The following CCM2L variants were observed in gnomAD, a reference collection of about 807,000 sequenced individuals.
CCM2L encodes CCM2 like scaffold protein.
Under a neutral mutation model 54.1 loss-of-function variants are expected in CCM2L, and 36 were observed. The ratio of observed to expected loss-of-function variants is 0.67; its 90% CI spans 0.51 to 0.88. CCM2L has a LOEUF of 0.88. Among genes scored for constraint, CCM2L ranks in the 40% least tolerant of loss-of-function variants. The pLI, the probability that CCM2L is intolerant of heterozygous loss-of-function variation, is 0.00. For missense variants in CCM2L, 700 were observed against 812.1 expected (o/e 0.86, Z 1.68); for synonymous variants, 351 against 359.3 (o/e 0.98, Z 0.26).
In CCM2L at chr20:32,019,351, C is replaced by A; in HGVS notation, c.875C>A (p.Pro292Gln). Reference sequence around the variant, plus strand: ...CACCCCGGCCCCAACCCGCTCGACCCGCAGGACCCCAGCCCCGACGCCTAC... The same window carrying A: ...CACCCCGGCCCCAACCCGCTCGACCAGCAGGACCCCAGCCCCGACGCCTAC... Reference protein sequence around the residue: ...RRHPGPNPLDPQDPSPDAYCN... With the variant: ...RRHPGPNPLDQQDPSPDAYCN... Residue 292 changes from proline to glutamine, a missense_variant, in exon 5 of 10, where the codon CCG (proline) becomes CAG (glutamine). Pro to Gln is a moderately conservative substitution (Grantham distance 76). Transcript: ENST00000452892. 6 of 1,490,072 alleles carry A rather than the reference C, an allele frequency of 4.0e-6. No homozygotes were observed. Among genetic ancestry groups the A allele is most frequent in the Admixed American group, 2.2e-5 (1 of 45,568 alleles). The allele number at this position is 1,490,072 out of a possible 1,614,324, so 92.3% of individuals were successfully genotyped here.
At chr20:32,012,589 C>T (rs1010452320) in intron 1 of CCM2L, among the ~76,000 whole-genome samples, 8 of 152,096 alleles carry the variant, frequency 5.3e-5, no homozygotes, top group African/African-American at 1.9e-4. Flanking sequence ...GGTGCACAGA[C>T]CAGTAGTATC....
At chr20:32,018,914 G>T (rs940797178) in intron 4 of CCM2L, 29 bp from the exon 5 acceptor site, 16 of 1,279,704 alleles carry the variant, frequency 1.3e-5, no homozygotes, top group Non-Finnish European at 1.6e-5. Flanking sequence ...CCCGATCCCC[G>T]CGGCTGACGG....
intron 5 of CCM2L, among the ~76,000 whole-genome samples, chr20:32,020,947 T>C (rs1396750600): frequency 2.0e-5 from 3 of 151,952 alleles, no homozygotes; most frequent in African/African-American, 7.3e-5. Flanking sequence ...GCCTGAGCAA[T>C]AGAGCAAGAC....
chr20:32,029,118 G>C lies in CCM2L; in HGVS notation c.1257G>C (p.Met419Ile). The change falls in exon 8 of 10, where the codon ATG (methionine) becomes ATC (isoleucine). Residue 419 changes from methionine (M) to isoleucine (I), a missense_variant. Transcript: ENST00000452892. ...GCTTGGAGCAGTTACAGGATTACAT[G>C]GTCACGGTGAGCTGGGGCCGGTGGT... ...SLGLEQLQDY[M>I]VTLRSKLGPL... is the part of the protein sequence containing the mutation. 2.5e-6 allele frequency: 4 copies of C among 1,614,182 alleles called. No individual in the cohort carries two copies. Among genetic ancestry groups the C allele is most frequent in the Non-Finnish European group, 2.5e-6 (3 of 1,180,030 alleles).
chr20:32,018,459 A>G (rs944681912), intron 4 of CCM2L, among the ~76,000 whole-genome samples: 2 of 151,960 alleles, frequency 1.3e-5, no homozygotes, highest in Non-Finnish European at 2.9e-5. Flanking sequence ...GGAGAAGCCC[A>G]AGACCTAGGC....
At chr20:32,025,752 C>T (rs1054381881) in intron 6 of CCM2L, 104 bp from the exon 7 acceptor site, 19 of 738,770 alleles carry the variant, frequency 2.6e-5, no homozygotes, top group Admixed American at 2.2e-4. Flanking sequence ...GTGTCAGAGG[C>T]AGGACTAGAC....
At chr20:32,030,216 G>A (rs142500538) in intron 9 of CCM2L, among the ~76,000 whole-genome samples, 236 of 152,268 alleles carry the variant, frequency 1.5e-3, no homozygotes, top group African/African-American at 4.4e-3. Flanking sequence ...ATACGAATAA[G>A]CTGACATGTG....
At position 32,013,414 on chromosome 20, in the gene CCM2L, C is replaced by T. The variant is rs188936709; in HGVS notation, c.31-1490C>T. Among the ~76,000 whole-genome samples, 520 of 152,064 alleles carry T rather than the reference C, an allele frequency of 3.4e-3. 2 individuals carry two copies. The highest frequency in any genetic ancestry group is 0.012 in the African/African-American group (491 of 41,474). The stretch of plus-strand genomic sequence containing the variant: ...AGTTTTAAAAGCTCCCCCCGTAGTT[C>T]GTGTGTGTGTGGAGTGGGGGGGTGG... On this transcript the variant is annotated intron_variant, in intron 1 of 9. Coordinates refer to ENST00000452892, the MANE Select transcript of CCM2L (RefSeq NM_001365692.1).
intron 1 of CCM2L, among the ~76,000 whole-genome samples, chr20:32,011,619 A>C (rs1198024818): frequency 6.6e-6 from 1 of 152,134 alleles, no homozygotes; most frequent in Non-Finnish European, 1.5e-5. Flanking sequence ...TACATAAATA[A>C]AAATTTTTTA....
chr20:32,013,527 G>A (rs1225942242), intron 1 of CCM2L, among the ~76,000 whole-genome samples: 4 of 151,950 alleles, frequency 2.6e-5, no homozygotes, highest in Non-Finnish European at 5.9e-5. Flanking sequence ...CAGCAGCCTC[G>A]ACCTCCCAGG....
Position 32,031,073 on chromosome 20 carries a change from A to C in CCM2L, c.1475A>C (p.Glu492Ala). ...EGFLEGVGIR[E>A]GGILTDSFGR... The stretch of plus-strand genomic sequence containing the variant: ...TTCCTGGAGGGCGTGGGCATCCGCG[A>C]GGGCGGCATCCTCACTGACAGCTTC... Residue 492 changes from glutamate to alanine, a missense_variant, in exon 10 of 10, where the codon GAG (glutamate) becomes GCG (alanine). Coordinates refer to ENST00000452892, the MANE Select transcript of CCM2L (RefSeq NM_001365692.1). 7.7e-7 allele frequency: 1 copy of C among 1,304,206 alleles called. No homozygotes were observed. The highest frequency in any genetic ancestry group is 1.0e-6 in the Non-Finnish European group (1 of 988,938). The allele number at this position is 1,304,206 out of a possible 1,614,324, so 80.8% of individuals were successfully genotyped here. A position where few individuals can be genotyped will look rare whatever the true frequency, so the allele number is the denominator to read the frequency against.
intron 8 of CCM2L, 63 bp from the exon 9 acceptor site, chr20:32,029,637 T>C: frequency 6.5e-7 from 1 of 1,538,650 alleles, no homozygotes; most frequent in South Asian, 1.3e-5. Flanking sequence ...CTCTGGGCCT[T>C]TCAGGCAGGG....
In CCM2L at chr20:32,031,103, G is replaced by T; in HGVS notation, c.1505G>T (p.Arg502Leu). 1 of 1,304,218 alleles carries T rather than the reference G, an allele frequency of 7.7e-7. No individual in the cohort carries two copies. Among genetic ancestry groups the T allele is most frequent in the Non-Finnish European group, 1.0e-6 (1 of 988,950 alleles). 80.8% of individuals were successfully genotyped at this position (1,304,218 alleles called of 1,614,324 possible). Reference protein sequence around the residue: ...EGGILTDSFGRIKRSMSSTSA... With the variant: ...EGGILTDSFGLIKRSMSSTSA... ...GGCATCCTCACTGACAGCTTCGGCC[G>T]CATCAAGCGCAGCATGAGCTCCACG... is the stretch of plus-strand genomic sequence containing the variant. The change falls in exon 10 of 10, where the codon CGC (arginine) becomes CTC (leucine). Residue 502 changes from arginine (R) to leucine (L), a missense_variant. Coordinates refer to ENST00000452892, the MANE Select transcript of CCM2L (RefSeq NM_001365692.1).
Position 32,018,173 on chromosome 20 carries a change from AGGGGGCGGGGGCGGGGGAGGGGCG to A in CCM2L, c.466+16_466+39del. On this transcript the variant is annotated intron_variant, in intron 4 of 9. Transcript: ENST00000452892. ...TAGTGCTCAAGACCGGTGCGGCGGG[AGGGGGCGGGGGCGGGGGAGGGGCG>A]GGGGCGGGGGCGGGGGAGGGGCGGG... 2 of 917,192 alleles carry A rather than the reference AGGGGGCGGGGGCGGGGGAGGGGCG, an allele frequency of 2.2e-6. No homozygotes were observed. The allele number at this position is 917,192 out of a possible 1,614,324, so 56.8% of individuals were successfully genotyped here. A position where few individuals can be genotyped will look rare whatever the true frequency, so the allele number is the denominator to read the frequency against.
rs868770226 is a variant in CCM2L, at chr20:32,019,398, G to A, written c.922G>A (p.Val308Ile). 6.5e-7 allele frequency: 1 copy of A among 1,529,008 alleles called. No homozygotes were observed. Among genetic ancestry groups the A allele is most frequent in the Non-Finnish European group, 8.7e-7 (1 of 1,146,510 alleles). 94.7% of individuals were successfully genotyped at this position (1,529,008 alleles called of 1,614,324 possible). A position where few individuals can be genotyped will look rare whatever the true frequency, so the allele number is the denominator to read the frequency against. ...CTACTGCAACCTGGTCATCCTGGCT[G>A]TAGCCAACAGGGTGAGCCCGAGGGC... ...DAYCNLVILA[V>I]ANRDAAEESC... The change falls in exon 5 of 10, where the codon GTA becomes ATA. Residue 308 changes from valine to isoleucine, a missense_variant. By Grantham distance (29) the Val-to-Ile change is conservative. Coordinates refer to ENST00000452892, the MANE Select transcript of CCM2L (RefSeq NM_001365692.1).
chr20:32,019,773 C>A (rs1200459987), intron 5 of CCM2L, among the ~76,000 whole-genome samples: 1 of 152,210 alleles, frequency 6.6e-6, no homozygotes, highest in African/African-American at 2.4e-5. Flanking sequence ...TCATTTAATT[C>A]TCACAGCAAC....
intron 5 of CCM2L, among the ~76,000 whole-genome samples, chr20:32,021,118 CAG>C (rs1160399849): frequency 1.3e-5 from 2 of 151,010 alleles, no homozygotes; most frequent in African/African-American, 4.8e-5. Flanking sequence ...CCCACACAGT[CAG>C]AGTGGTCCCG....
intron 5 of CCM2L, among the ~76,000 whole-genome samples, chr20:32,021,049 C>G (rs1438211182): frequency 6.6e-6 from 1 of 152,080 alleles, no homozygotes; most frequent in Non-Finnish European, 1.5e-5. Context: ...CCCATTTTCT[C>G]TCACCTGAAT....
At chr20:32,028,805 G>A (rs1363789514) in intron 7 of CCM2L, 190 bp from the exon 8 acceptor site, 1 of 640,692 alleles carries the variant, frequency 1.6e-6, no homozygotes, top group Non-Finnish European at 2.7e-6. Flanking sequence ...GGGGTGGGGG[G>A]CGCGAAGCAC....
Sources: gnomAD v4.1 joint callset for allele counts (sites outside exome capture counted in the v4.1 genomes callset) on GRCh38, gnomAD v4.1.1 for gene constraint, MANE v1.5 for transcripts, NCBI Gene and HGNC (gene_info 2026-07-23, HGNC 2026-07-21) for gene names.